SYNE2: variants seen among roughly 807,000 people sequenced by gnomAD.
The protein encoded by SYNE2 is nesprin-2.
SYNE2 carries 431 observed loss-of-function variants against 856.3 expected under a neutral mutation model. The observed-to-expected ratio is 0.50, with a 90% CI of 0.47 to 0.55. SYNE2 has a LOEUF of 0.55. Ranked by LOEUF, SYNE2 falls within the 20% of genes least tolerant of loss-of-function variation. The pLI is 0.00. For synonymous variants in SYNE2, 2,923 were observed against 2,872.3 expected, an observed-to-expected ratio of 1.02 and a Z score of -0.56; for missense variants, 8,129 against 8,023.2, an observed-to-expected ratio of 1.01 and a Z score of -0.50.
chr14:64,130,175 A>G lies in SYNE2; in HGVS notation c.14267A>G (p.Glu4756Gly), dbSNP rs754133337. The change falls in exon 76 of 116, where the codon GAA becomes GGA. Residue 4756 changes from glutamate (E) to glycine (G), a missense_variant. Coordinates refer to ENST00000555002, the MANE Select transcript of SYNE2 (RefSeq NM_182914.3). ...GMVELVKIGK[E>G]KLAHGHLKQT... Reference sequence around the variant, plus strand: ...GTGGAACTGGTGAAGATTGGGAAGGAAAAGCTTGCTCATGGCCACTTAAAA... The same window carrying G: ...GTGGAACTGGTGAAGATTGGGAAGGGAAAGCTTGCTCATGGCCACTTAAAA... 9 of 1,614,174 alleles carry G rather than the reference A, an allele frequency of 5.6e-6. No homozygotes were observed. The highest frequency in any genetic ancestry group is 7.6e-6 in the Non-Finnish European group (9 of 1,180,022).
intron 57 of SYNE2, among the ~76,000 whole-genome samples, chr14:64,081,903 G>A (rs376021217): frequency 6.6e-5 from 10 of 152,152 alleles, no homozygotes; most frequent in East Asian, 1.9e-4. Context: ...TGGCTAACAC[G>A]GTGAAACCCT....
In SYNE2 at chr14:63,909,246, G is replaced by A. The variant is rs752893186; in HGVS notation, c.79+19G>A. ...TTGCAAGGTAATTAAGATTGGGTGG[G>A]GGTAACACCCACAGAAACTGGGGAA... On this transcript the variant is annotated intron_variant, in intron 2 of 115. Transcript: ENST00000555002. 149 of 1,560,970 alleles carry A rather than the reference G, an allele frequency of 9.5e-5. 1 individual carries two copies. In the South Asian group the frequency reaches 1.6e-3, roughly 17 times the overall value.
At chr14:64,194,546 C>T (rs2098532336) in intron 99 of SYNE2, among the ~76,000 whole-genome samples, 1 of 152,194 alleles carries the variant, frequency 6.6e-6, no homozygotes, top group Non-Finnish European at 1.5e-5. Context: ...CTCAAGTTAT[C>T]CTCCCACCTC....
At position 64,053,274 on chromosome 14, in the gene SYNE2, C is replaced by G. The variant is rs562995862; in HGVS notation, c.9361C>G (p.Leu3121Val). ...FDDSFKEKEI[L>V]QIKLNAEEND... ...TGACTCATTCAAGGAGAAAGAAATA[C>G]TACAAATAAAGCTGAATGCAGAAGA... Residue 3121 changes from leucine (L) to valine (V), a missense_variant, in exon 48 of 116, where the codon CTA (leucine) becomes GTA (valine). Leu to Val is a conservative substitution (Grantham distance 32). Transcript: ENST00000555002. 1.2e-6 allele frequency: 2 copies of G among 1,608,680 alleles called. No homozygotes were observed. Among genetic ancestry groups the G allele is most frequent in the Non-Finnish European group, 1.7e-6 (2 of 1,178,482 alleles).
intron 1 of SYNE2, among the ~76,000 whole-genome samples, chr14:63,883,114 A>C (rs1039542354): frequency 3.9e-5 from 6 of 152,026 alleles, no homozygotes; most frequent in Non-Finnish European, 8.8e-5. Flanking sequence ...GCTGGAGTGC[A>C]GTAGCATGAT....
chr14:63,838,869 T>C (rs35752453), intron 1 of SYNE2, among the ~76,000 whole-genome samples: 9,090 of 152,092 alleles, frequency 0.06, 292 homozygotes, highest in Middle Eastern at 0.099. Context: ...GGAGTAGAAA[T>C]TCTCTGTCTT....
chr14:64,012,915 A>C (rs2096857867), intron 32 of SYNE2, among the ~76,000 whole-genome samples: 1 of 152,262 alleles, frequency 6.6e-6, no homozygotes, highest in African/African-American at 2.4e-5. Context: ...TGCCTGGAAT[A>C]TGATACCACT....
At chr14:63,988,700 C>T (rs942054911) in intron 19 of SYNE2, among the ~76,000 whole-genome samples, 2 of 152,158 alleles carry the variant, frequency 1.3e-5, no homozygotes, top group African/African-American at 2.4e-5. Flanking sequence ...TACAGTTCCA[C>T]GTGTGTGGGA....
In SYNE2 at chr14:64,125,369, C is replaced by G. The variant is rs2097933858; in HGVS notation, c.13554+159C>G. ...AAATTGAATTGATCTTGCTTGCCAA[C>G]TCTAATATATTTTGTAGTGGTTCCC... On this transcript the variant is annotated intron_variant, in intron 71 of 115. Coordinates refer to ENST00000555002, the MANE Select transcript of SYNE2 (RefSeq NM_182914.3). Among the ~76,000 whole-genome samples the G allele has an allele frequency of 2.6e-5, 4 of 152,168 alleles. No individual in the cohort carries two copies. The South Asian group carries it at 8.3e-4, about 32-fold the overall frequency.
At chr14:64,138,948 TGTG>T (rs1350728679) in intron 79 of SYNE2, among the ~76,000 whole-genome samples, 27 of 88,192 alleles carry the variant, frequency 3.1e-4, no homozygotes, top group African/African-American at 1.2e-3. Flanking sequence ...GTATGTATGG[TGTG>T]TGTGTGTGTG....
intron 19 of SYNE2, among the ~76,000 whole-genome samples, chr14:63,988,850 G>A (rs1467380320): frequency 6.6e-6 from 1 of 152,120 alleles, no homozygotes; most frequent in Non-Finnish European, 1.5e-5. Context: ...AACAGCACAG[G>A]AAAGATCTGC....
intron 1 of SYNE2, among the ~76,000 whole-genome samples, chr14:63,861,141 ATTG>A (rs1194036334): frequency 2.2e-4 from 28 of 127,684 alleles, no homozygotes; most frequent in Non-Finnish European, 3.9e-4. Flanking sequence ...TATTTACCAC[ATTG>A]TTTTTTTTTT....
At chr14:63,952,482 AC>A (rs2096178010) in intron 7 of SYNE2, among the ~76,000 whole-genome samples, 1 of 152,202 alleles carries the variant, frequency 6.6e-6, no homozygotes, top group Non-Finnish European at 1.5e-5. Flanking sequence ...TTACTTTTGC[AC>A]CCACCTAATG....
chr14:64,131,721 A>G (rs1045306959), intron 76 of SYNE2, among the ~76,000 whole-genome samples: 3 of 152,184 alleles, frequency 2.0e-5, no homozygotes, highest in Non-Finnish European at 4.4e-5. Context: ...AGCTGGGACT[A>G]TAGATGTGTG....
chr14:64,026,158 TTA>T (rs2096976669), intron 41 of SYNE2, among the ~76,000 whole-genome samples: 1 of 152,138 alleles, frequency 6.6e-6, no homozygotes, highest in Admixed American at 6.5e-5. Context: ...CGAGAATTAA[TTA>T]TGTCATGGTA....
intron 45 of SYNE2, among the ~76,000 whole-genome samples, chr14:64,035,350 C>G (rs1355683857): frequency 6.6e-6 from 1 of 151,092 alleles, no homozygotes; most frequent in Non-Finnish European, 1.5e-5. Flanking sequence ...CCTGTTAACT[C>G]AGTAGAAAAA....
Position 64,225,429 on chromosome 14 carries a change from CCTCCTCCGAAGAAGACTACAGCTGCA to C in SYNE2, c.20631_20656del (p.Ser6878GlyfsTer35). On this transcript the variant is annotated frameshift_variant, in exon 116 of 116. Coordinates refer to ENST00000555002, the MANE Select transcript of SYNE2 (RefSeq NM_182914.3). LOFTEE classifies it high-confidence loss of function. The stretch of plus-strand genomic sequence containing the variant: ...CTGCTGCTCCTGGCCTGCCTGCTGC[CCTCCTCCGAAGAAGACTACAGCTGCA>C]CTCAGGCCAACAACTTTGCCCGGTC... 6.2e-7 allele frequency: 1 copy of C among 1,614,118 alleles called. No homozygotes were observed. Among genetic ancestry groups the C allele is most frequent in the Non-Finnish European group, 8.5e-7 (1 of 1,180,002 alleles).
chr14:63,829,144 A>C lies in SYNE2; in HGVS notation c.-304-23357A>C, dbSNP rs551755710. ...AAAAAAGTCTGGGGCCAGGCATGGT[A>C]GCTCACACTTGTAATTTCAACAGTT... On this transcript the variant is annotated intron_variant, in intron 1 of 23. Coordinates refer to the SYNE2 transcript ENST00000674003. Among the ~76,000 whole-genome samples, 6 of 152,238 alleles carry C rather than the reference A, an allele frequency of 3.9e-5. No individual in the cohort carries two copies. In the East Asian group the frequency reaches 7.7e-4, roughly 20 times the overall value.
At chr14:63,938,919 C>CT (rs1209780590) in intron 2 of SYNE2, among the ~76,000 whole-genome samples, 2 of 152,052 alleles carry the variant, frequency 1.3e-5, no homozygotes, top group Non-Finnish European at 2.9e-5. Context: ...ACCTGAGAGT[C>CT]TAGAGTGCAT....
Sources: allele counts gnomAD v4.1 joint callset (sites outside exome capture counted in the v4.1 genomes callset), GRCh38; gene constraint gnomAD v4.1.1; transcripts MANE v1.5; gene names NCBI Gene and HGNC (gene_info 2026-07-23, HGNC 2026-07-21).